PARG: variants seen among roughly 807,000 people sequenced by gnomAD.
PARG encodes poly(ADP-ribose) glycohydrolase, also known as mitochondrial poly(ADP-ribose) glycohydrolase.
PARG carries 35 observed loss-of-function variants against 113.0 expected under a neutral mutation model. The ratio of observed to expected loss-of-function variants is 0.31; its 90% CI spans 0.24 to 0.41. The LOEUF is 0.41. PARG is among the 10% of genes least tolerant of loss of function. PARG has a pLI of 1.00. For synonymous variants in PARG, 330 were observed against 409.9 expected, an observed-to-expected ratio of 0.81 and a Z score of 2.36; for missense variants, 797 against 1,169.4, an observed-to-expected ratio of 0.68 and a Z score of 4.64.
chr10:49,941,604 G>T lies in PARG; in HGVS notation c.122C>A (p.Pro41His), dbSNP rs1839076896. Residue 41 changes from proline to histidine, a missense_variant, in exon 1 of 18, where the codon CCC (proline) becomes CAC (histidine). Pro to His is a moderately conservative substitution (Grantham distance 77). Around this residue, in one of 5 missense-constraint regions of PARG, gnomAD observed 284 missense variants for 306.1 expected, o/e 0.93. Transcript: ENST00000616448. ...FPSRQRRVLD[P>H]KDAHVQFRVP... ...CCTGAACTGCACGTGAGCGTCCTTGGGGTCGAGGACGCGCCTCTGCCTGCT... is the reference window on the plus strand; with the variant it reads ...CCTGAACTGCACGTGAGCGTCCTTGTGGTCGAGGACGCGCCTCTGCCTGCT... 6.3e-7 allele frequency: 1 copy of T among 1,578,996 alleles called. No homozygotes were observed. The highest frequency in any genetic ancestry group is 8.6e-7 in the Non-Finnish European group (1 of 1,163,460).
intron 4 of PARG, among the ~76,000 whole-genome samples, chr10:49,924,797 A>G (rs1838070021): frequency 6.6e-6 from 1 of 152,096 alleles, no homozygotes; most frequent in African/African-American, 2.4e-5. Flanking sequence ...TTTTACCCCA[A>G]AATGTATTTA....
chr10:49,858,331 TCACA>T (rs3048417), intron 12 of PARG, among the ~76,000 whole-genome samples: 23,988 of 144,974 alleles, frequency 0.17, 1,473 homozygotes, highest in Middle Eastern at 0.22. Flanking sequence ...AGGAGTTAGA[TCACA>T]CACACACACA....
chr10:49,927,479 C>G (rs1838265363), intron 4 of PARG, among the ~76,000 whole-genome samples: 1 of 151,502 alleles, frequency 6.6e-6, no homozygotes, highest in Non-Finnish European at 1.5e-5. Flanking sequence ...GTGGGTGAGA[C>G]CAACCAGAGA....
In PARG at chr10:49,874,507, A is replaced by G. The variant is rs2664612; in HGVS notation, c.1989-4952T>C. ...ACCTGCCATCGCCAAGAAGCCCCAGACTTCCCCACTCAGAAGGTTGGCTGA... is the reference window on the plus strand; with the variant it reads ...ACCTGCCATCGCCAAGAAGCCCCAGGCTTCCCCACTCAGAAGGTTGGCTGA... On this transcript the variant is annotated intron_variant, in intron 9 of 17. Transcript: ENST00000616448. Among the ~76,000 whole-genome samples the G allele has an allele frequency of 1.6e-4, 24 of 152,268 alleles. No homozygotes were observed. The East Asian group carries it at 3.5e-3, about 22-fold the overall frequency.
rs544779662 is a variant in PARG at position 49,881,018 on chromosome 10, T to C, written c.1831-1188A>G. On this transcript the variant is annotated intron_variant, in intron 8 of 17. Coordinates refer to ENST00000616448, the MANE Select transcript of PARG (RefSeq NM_003631.5). ...ATTAAGAAAGGGCGTGGTACCTTTTTAGATCTGATAAAAGCTCTGAAGCTA... is the reference window on the plus strand; with the variant it reads ...ATTAAGAAAGGGCGTGGTACCTTTTCAGATCTGATAAAAGCTCTGAAGCTA... Among the ~76,000 whole-genome samples the C allele has an allele frequency of 4.6e-5, 7 of 152,370 alleles. No homozygotes were observed. The South Asian group carries it at 1.4e-3, about 32-fold the overall frequency.
intron 8 of PARG, among the ~76,000 whole-genome samples, chr10:49,881,268 C>T (rs1390864917): frequency 6.6e-6 from 1 of 152,176 alleles, no homozygotes; most frequent in South Asian, 2.1e-4. Context: ...ATCTTGGGCA[C>T]ATGTTCTCAG....
chr10:49,931,268 G>C (rs1399378269), intron 4 of PARG, among the ~76,000 whole-genome samples: 1 of 151,980 alleles, frequency 6.6e-6, no homozygotes, highest in African/African-American at 2.4e-5. Context: ...AAACAAACAT[G>C]GTAACAGCCC....
intron 6 of PARG, among the ~76,000 whole-genome samples, chr10:49,920,643 CATATACGT>C (rs138845565): frequency 6.2e-4 from 91 of 146,574 alleles, no homozygotes; most frequent in African/African-American, 2.1e-3. Context: ...TATATATACA[CATATACGT>C]ATATATATGG....
At chr10:49,865,712 T>C (rs187952760) in intron 10 of PARG, among the ~76,000 whole-genome samples, 2 of 146,606 alleles carry the variant, frequency 1.4e-5, no homozygotes, top group African/African-American at 5.1e-5. Context: ...CACTTTTTTT[T>C]AAAAAAAAAA....
At chr10:49,887,886 A>G (rs1847575066) in intron 7 of PARG, among the ~76,000 whole-genome samples, 1 of 152,156 alleles carries the variant, frequency 6.6e-6, no homozygotes, top group East Asian at 1.9e-4. Flanking sequence ...TTTATGTTTA[A>G]TGTAGTCTTT....
rs2664449 is a variant in PARG, at chr10:49,913,748, T to C, written c.1737+2169A>G. Among the ~76,000 whole-genome samples, 59 of 151,356 alleles carry C rather than the reference T, an allele frequency of 3.9e-4. 1 individual carries two copies. Among genetic ancestry groups the C allele is most frequent in the East Asian group, 1.2e-3 (6 of 5,044 alleles). ...CAAAACCCCATCTCTACTAAAAATA[T>C]AAAAATTAGCCGGGCAACGTGGCGG... On this transcript the variant is annotated intron_variant, in intron 7 of 17. Coordinates refer to ENST00000616448, the MANE Select transcript of PARG (RefSeq NM_003631.5).
chr10:49,910,044 CAG>C (rs1377156676), intron 7 of PARG: 1 of 151,002 alleles, frequency 6.6e-6, no homozygotes, highest in Non-Finnish European at 1.5e-5. Flanking sequence ...AAGAAAAAGA[CAG>C]ATATAATAAC....
At chr10:49,927,980 A>G (rs1441523593) in intron 4 of PARG, among the ~76,000 whole-genome samples, 1 of 151,940 alleles carries the variant, frequency 6.6e-6, no homozygotes, top group Non-Finnish European at 1.5e-5. Flanking sequence ...AAAAAAAAAA[A>G]AAAGAAGAAG....
chr10:49,928,272 A>AG (rs1838316922), intron 4 of PARG, among the ~76,000 whole-genome samples: 1 of 144,912 alleles, frequency 6.9e-6, no homozygotes, highest in African/African-American at 2.6e-5. Context: ...CTCCATCTCG[A>AG]AAAAAAAAAA....
In PARG at chr10:49,819,052, G is replaced by T. The variant is rs758230232; in HGVS notation, c.*288C>A. 1.0e-4 allele frequency: 24 copies of T among 230,020 alleles called. No homozygotes were observed. The Middle Eastern group carries it at 4.6e-3, about 44-fold the overall frequency. 14.2% of individuals were successfully genotyped at this position (230,020 alleles called of 1,614,324 possible). On this transcript the variant is annotated 3_prime_UTR_variant, in exon 18 of 18. Coordinates refer to ENST00000616448, the MANE Select transcript of PARG (RefSeq NM_003631.5). ...ACAGGCTGAGCACAACCTTCCATGGGATTTCACAAGAGATCTGATGGACAA... is the reference window on the plus strand; with the variant it reads ...ACAGGCTGAGCACAACCTTCCATGGTATTTCACAAGAGATCTGATGGACAA...
intron 9 of PARG, among the ~76,000 whole-genome samples, chr10:49,878,804 G>A (rs1445730785): frequency 2.0e-5 from 3 of 151,730 alleles, no homozygotes; most frequent in Admixed American, 2.0e-4. Context: ...ATTACACACA[G>A]CCTGCTGGGA....
At chr10:49,914,771 A>T (rs1287306893) in intron 7 of PARG, among the ~76,000 whole-genome samples, 1 of 152,216 alleles carries the variant, frequency 6.6e-6, no homozygotes, top group Non-Finnish European at 1.5e-5. Context: ...CACAGAACTG[A>T]GAGGCCAGAA....
chr10:49,850,644 T>C (rs1845719772), intron 13 of PARG, among the ~76,000 whole-genome samples: 1 of 152,212 alleles, frequency 6.6e-6, no homozygotes, highest in Non-Finnish European at 1.5e-5. Flanking sequence ...AAACTGCCTA[T>C]TCTGATCTGT....
At position 49,818,480 on chromosome 10, in the gene PARG, C is replaced by G. The variant is rs762970877; in HGVS notation, c.*860G>C. On this transcript the variant is annotated 3_prime_UTR_variant, in exon 18 of 18. Transcript: ENST00000616448. ...AATATGTACAAATCAGCATGAAGTT[C>G]CCAGTTCTCAAACTTTGGTTATATG... 2.0e-5 allele frequency: 3 copies of G among 152,466 alleles called. No homozygotes were observed. Among genetic ancestry groups the G allele is most frequent in the Non-Finnish European group, 4.4e-5 (3 of 68,006 alleles). 9.4% of individuals were successfully genotyped at this position (152,466 alleles called of 1,614,324 possible). A position where few individuals can be genotyped will look rare whatever the true frequency, so the allele number is the denominator to read the frequency against.
Sources: allele counts gnomAD v4.1 joint callset (sites outside exome capture counted in the v4.1 genomes callset), GRCh38; gene constraint gnomAD v4.1.1; regional missense constraint gnomAD v4.1.1; transcripts MANE v1.5; gene names NCBI Gene and HGNC (gene_info 2026-07-23, HGNC 2026-07-21).